WASF1: variants seen among roughly 807,000 people sequenced by gnomAD.
The protein encoded by WASF1 is actin-binding protein WASF1.
WASF1 carries 7 observed loss-of-function variants against 50.5 expected under a neutral mutation model. That is an observed-to-expected ratio of 0.14 (90% CI 0.08 to 0.26). The LOEUF (loss-of-function observed/expected upper bound fraction) is 0.26. Among genes scored for constraint, WASF1 ranks in the 10% least tolerant of loss-of-function variants. The pLI, the probability that WASF1 is intolerant of heterozygous loss-of-function variation, is 1.00. For synonymous variants in WASF1, 205 were observed against 244.0 expected (o/e 0.84, Z 1.49); for missense variants, 470 against 694.7 (o/e 0.68, Z 3.64).
chr6:110,126,501 G>A (rs1017317285), intron 4 of WASF1, among the ~76,000 whole-genome samples: 1 of 152,092 alleles, frequency 6.6e-6, no homozygotes, highest in Admixed American at 6.6e-5. Context: ...AAACAAATTA[G>A]ATTAACAACC....
At chr6:110,167,976 A>T (rs1223473415) in intron 2 of WASF1, among the ~76,000 whole-genome samples, 1 of 152,026 alleles carries the variant, frequency 6.6e-6, no homozygotes, top group Non-Finnish European at 1.5e-5. Flanking sequence ...GTAAATCATG[A>T]TTTTGTCTAC....
intron 5 of WASF1, among the ~76,000 whole-genome samples, chr6:110,109,261 A>G (rs1233910042): frequency 6.6e-6 from 1 of 152,172 alleles, no homozygotes; most frequent in Non-Finnish European, 1.5e-5. Flanking sequence ...TATCTGTACT[A>G]TAAGGATTTC....
rs1290525015 is a variant in WASF1 at position 110,124,304 on chromosome 6, A to G, written c.133+3165T>C. Among the ~76,000 whole-genome samples, 25 of 111,128 alleles carry G rather than the reference A, an allele frequency of 2.2e-4. 1 individual carries two copies. Among genetic ancestry groups the G allele is most frequent in the African/African-American group, 9.4e-4 (25 of 26,488 alleles). The allele number at this position is 111,128 out of a possible 152,430, so 72.9% of individuals were successfully genotyped here. The stretch of plus-strand genomic sequence containing the variant: ...TATATATATATATATATATATATAT[A>G]TATATGCCCTTGTATTCAACTGTGA... On this transcript the variant is annotated intron_variant, in intron 4 of 10. Coordinates refer to ENST00000392589, the MANE Select transcript of WASF1 (RefSeq NM_003931.3).
intron 3 of WASF1, among the ~76,000 whole-genome samples, chr6:110,151,948 G>C (rs1775843231): frequency 1.3e-5 from 2 of 151,386 alleles, no homozygotes; most frequent in South Asian, 4.2e-4. Flanking sequence ...GTCCTTTTTA[G>C]AAAAAAAATA....
chr6:110,150,793 T>C (rs867199997), intron 3 of WASF1, among the ~76,000 whole-genome samples: 4 of 152,160 alleles, frequency 2.6e-5, no homozygotes, highest in Middle Eastern at 3.2e-3. Context: ...CACAGCACTT[T>C]GGGAGGCTGA....
rs1328684441 is a variant in WASF1 at position 110,127,542 on chromosome 6, T to A, written c.60A>T (p.Arg20Ser). ...PRHLCHTALP[R>S]GIKNELECVT... is the part of the protein sequence containing the mutation. The stretch of plus-strand genomic sequence containing the variant: ...CACATTCCAGTTCATTCTTAATGCC[T>A]CTAGGCAGTGCTGTGTGGCACAAGT... The change falls in exon 4 of 11, where the codon AGA (arginine) becomes AGT (serine). Residue 20 changes from arginine to serine, a missense_variant. Transcript: ENST00000392589. 1.2e-6 allele frequency: 2 copies of A among 1,603,232 alleles called. No individual in the cohort carries two copies. Among genetic ancestry groups the A allele is most frequent in the Admixed American group, 3.4e-5 (2 of 58,200 alleles).
chr6:110,155,088 C>A (rs1584013751), intron 3 of WASF1, among the ~76,000 whole-genome samples: 1 of 152,044 alleles, frequency 6.6e-6, no homozygotes, highest in African/African-American at 2.4e-5. Flanking sequence ...ACCACGTGCT[C>A]CTAATACCCT....
intron 4 of WASF1, among the ~76,000 whole-genome samples, chr6:110,123,864 C>G (rs975343280): frequency 2.4e-4 from 36 of 151,870 alleles, no homozygotes; most frequent in African/African-American, 8.7e-4. Flanking sequence ...ATGGAAAAGA[C>G]TAATCTTGGC....
At position 110,101,949 on chromosome 6, in the gene WASF1, A is replaced by G; in HGVS notation, c.1161T>C (p.Pro387=). 6.2e-7 allele frequency: 1 copy of G among 1,605,884 alleles called. No homozygotes were observed. The highest frequency in any genetic ancestry group is 8.5e-7 in the Non-Finnish European group (1 of 1,176,296). ...GCTGTACTAGAGGAGGTGCAATTGG[A>G]GGAGGAGCTGGGTGAAGAACTCCAG... ...IAPGVLHPAP[P]PIAPPLVQPS... Residue 387 remains proline (P), a synonymous_variant, in exon 10 of 11, where the codon CCT becomes CCC. Transcript: ENST00000392589.
intron 2 of WASF1, among the ~76,000 whole-genome samples, chr6:110,161,107 G>T (rs1776245364): frequency 1.3e-5 from 2 of 151,408 alleles, no homozygotes; most frequent in Non-Finnish European, 3.0e-5. Context: ...GTCCTTTCAA[G>T]ATGTCTTCCT....
In WASF1 at chr6:110,107,750, T is replaced by C. The variant is rs558942340; in HGVS notation, c.423-556A>G. On this transcript the variant is annotated intron_variant, in intron 6 of 10. Coordinates refer to ENST00000392589, the MANE Select transcript of WASF1 (RefSeq NM_003931.3). ...TGTACATTACCCATTTAACAAACCA[T>C]GTGAAAGAACTTCAAAGAAAGGCTA... is the stretch of plus-strand genomic sequence containing the variant. Among the ~76,000 whole-genome samples the C allele has an allele frequency of 3.3e-3, 500 of 152,314 alleles. 4 individuals carry two copies. The highest frequency in any genetic ancestry group is 6.7e-3 in the Admixed American group (102 of 15,296).
chr6:110,107,020 T>C (rs984687453), intron 7 of WASF1, 57 bp downstream of exon 7: 2 of 1,233,062 alleles, frequency 1.6e-6, no homozygotes, highest in Non-Finnish European at 2.3e-6. Flanking sequence ...GTTCAATATA[T>C]GCAACAAAAC....
chr6:110,148,142 T>G (rs78492495), intron 3 of WASF1, among the ~76,000 whole-genome samples: 11,046 of 152,198 alleles, frequency 0.073, 531 homozygotes, highest in African/African-American at 0.14. Flanking sequence ...AAAACAAGAT[T>G]GTCTTCTTCA....
At position 110,132,963 on chromosome 6, in the gene WASF1, T is replaced by TACAC. The variant is rs142466639; in HGVS notation, c.-28-5338_-28-5335dup. 5.8e-3 allele frequency among the ~76,000 whole-genome samples: 749 copies of TACAC among 130,128 alleles called. 16 individuals are homozygous for TACAC. The East Asian group carries it at 0.066, about 12-fold the overall frequency. 85.4% of individuals were successfully genotyped at this position (130,128 alleles called of 152,430 possible). A position where few individuals can be genotyped will look rare whatever the true frequency, so the allele number is the denominator to read the frequency against. On this transcript the variant is annotated intron_variant, in intron 3 of 10. Coordinates refer to ENST00000392589, the MANE Select transcript of WASF1 (RefSeq NM_003931.3). Reference sequence around the variant, plus strand: ...GTTTGTGTGTGTATTCCATGGTGTATACACACACACACACACACACACACC... The same window carrying TACAC: ...GTTTGTGTGTGTATTCCATGGTGTATACACACACACACACACACACACACACACC...
At chr6:110,146,559 T>C (rs1184337335) in intron 3 of WASF1, among the ~76,000 whole-genome samples, 1 of 151,822 alleles carries the variant, frequency 6.6e-6, no homozygotes, top group Non-Finnish European at 1.5e-5. Context: ...TATATCTAAC[T>C]TTAAAACCAT....
chr6:110,124,272 C>CTATATA (rs1416564445), intron 4 of WASF1, among the ~76,000 whole-genome samples: 25 of 42,658 alleles, frequency 5.9e-4, no homozygotes, highest in East Asian at 9.7e-4. Context: ...CTCTCTCTCT[C>CTATATA]TCTATATATA....
chr6:110,138,967 C>A (rs1775093326), intron 3 of WASF1, among the ~76,000 whole-genome samples: 1 of 152,224 alleles, frequency 6.6e-6, no homozygotes. Context: ...AACATGCTGT[C>A]CATGGCACCC....
At chr6:110,124,241 T>TCCC (rs1562170325) in intron 4 of WASF1, among the ~76,000 whole-genome samples, 1 of 32,764 alleles carries the variant, frequency 3.1e-5, no homozygotes, top group Non-Finnish European at 5.3e-5. Context: ...CTCTCCTCTC[T>TCCC]CTCTCTCTCT....
At chr6:110,140,917 T>C (rs1324776899) in intron 3 of WASF1, among the ~76,000 whole-genome samples, 1 of 152,040 alleles carries the variant, frequency 6.6e-6, no homozygotes, top group Admixed American at 6.6e-5. Flanking sequence ...CAATGACCAA[T>C]GAGAAGGAAG....
Sources: allele counts gnomAD v4.1 joint callset (sites outside exome capture counted in the v4.1 genomes callset), GRCh38; gene constraint gnomAD v4.1.1; transcripts MANE v1.5; gene names NCBI Gene and HGNC (gene_info 2026-07-23, HGNC 2026-07-21).